Variants in ABCA5 observed in about 807,000 individuals in gnomAD.
ABCA5 encodes the protein ATP binding cassette subfamily A member 5, also known as cholesterol transporter ABCA5.
In ABCA5, 163 loss-of-function variants were observed where a neutral mutation model predicts 206.0. The ratio of observed to expected loss-of-function variants is 0.79; its 90% CI spans 0.70 to 0.90. ABCA5 has a LOEUF of 0.90. ABCA5 is among the 40% of genes least tolerant of loss of function. ABCA5 has a pLI of 0.00. For missense variants in ABCA5, 1,859 were observed against 1,912.9 expected (o/e 0.97, Z 0.53); for synonymous variants, 609 against 613.8 (o/e 0.99, Z 0.11).
At chr17:69,281,632 G>C (rs1210832664) in intron 18 of ABCA5, among the ~76,000 whole-genome samples, 3 of 152,148 alleles carry the variant, frequency 2.0e-5, no homozygotes, top group African/African-American at 7.2e-5. Context: ...CACTGCATTT[G>C]AAAGTGGGCA....
rs778765981 is a variant in ABCA5 at position 69,302,787 on chromosome 17, A to C, written c.1050T>G (p.Ser350Arg). 17 of 1,600,404 alleles carry C rather than the reference A, an allele frequency of 1.1e-5. No individual in the cohort carries two copies. The highest frequency in any genetic ancestry group is 1.4e-5 in the Non-Finnish European group (16 of 1,176,684). Residue 350 changes from serine (S) to arginine (R), a missense_variant, in exon 8 of 39, where the codon AGT (serine) becomes AGG (arginine). Transcript: ENST00000392676. The stretch of plus-strand genomic sequence containing the variant: ...AAAGCCACACTAACGATTTGGGAAA[A>C]CTTTCTATGAGGATTATCATAAGGC... Reference protein sequence around the residue: ...FIGLMIILIESFPKSLVWLFS... With the variant: ...FIGLMIILIERFPKSLVWLFS...
At chr17:69,282,861 C>T (rs1279696045) in intron 18 of ABCA5, among the ~76,000 whole-genome samples, 1 of 151,884 alleles carries the variant, frequency 6.6e-6, no homozygotes, top group East Asian at 1.9e-4. Context: ...AATCTCATTC[C>T]CAGTTATCAA....
At chr17:69,301,354 A>G in intron 8 of ABCA5, 68 bp from the exon 9 acceptor site, 6 of 1,390,098 alleles carry the variant, frequency 4.3e-6, no homozygotes, top group Non-Finnish European at 5.8e-6. Flanking sequence ...AACACTACTT[A>G]AGAGTTATTT....
At chr17:69,281,268 T>C (rs1484488139) in intron 18 of ABCA5, among the ~76,000 whole-genome samples, 1 of 151,410 alleles carries the variant, frequency 6.6e-6, no homozygotes, top group Non-Finnish European at 1.5e-5. Context: ...CCAATACATG[T>C]ATTTTTTAAT....
At chr17:69,290,133 C>T (rs2075509894) in intron 12 of ABCA5, 96 bp from the exon 13 acceptor site, 6 of 800,330 alleles carry the variant, frequency 7.5e-6, no homozygotes, top group Admixed American at 3.5e-5. Context: ...TTATAACAGA[C>T]ATATAAGGTA....
intron 13 of ABCA5, 43 bp downstream of exon 13, chr17:69,289,819 A>G (rs1032127709): frequency 2.1e-6 from 3 of 1,452,732 alleles, no homozygotes; most frequent in Non-Finnish European, 2.8e-6. Flanking sequence ...AAGGTTATTG[A>G]TTACAGGAAA....
intron 11 of ABCA5, among the ~76,000 whole-genome samples, chr17:69,294,158 T>G (rs1188452892): frequency 6.6e-6 from 1 of 152,210 alleles, no homozygotes; most frequent in African/African-American, 2.4e-5. Context: ...GATACTACAT[T>G]TTACTTTTAC....
At chr17:69,280,085 A>T (rs1179870811) in intron 18 of ABCA5, among the ~76,000 whole-genome samples, 2 of 152,174 alleles carry the variant, frequency 1.3e-5, no homozygotes, top group Non-Finnish European at 2.9e-5. Context: ...CTACCATCAG[A>T]GTGAACAGGC....
In ABCA5 at chr17:69,248,308, G is replaced by T. The variant is rs1480598235; in HGVS notation, c.4775C>A (p.Ala1592Asp). The T allele has an allele frequency of 2.6e-6, 4 of 1,558,396 alleles. No individual in the cohort carries two copies. The highest frequency in any genetic ancestry group is 3.5e-6 in the Non-Finnish European group (4 of 1,140,544). The change falls in exon 38 of 39, where the codon GCT becomes GAT. Residue 1592 changes from alanine (A) to aspartate (D), a missense_variant. Coordinates refer to ENST00000392676, the MANE Select transcript of ABCA5 (RefSeq NM_172232.4). ...SFFKLEEAKHAFAIEEYSFSQ... is the reference protein window; with the variant it reads ...SFFKLEEAKHDFAIEEYSFSQ... ...AAAGCTATATTCTTCAATGGCAAAA[G>T]CATGTTTAGCTATTAAAATATAAAA...
chr17:69,285,969 G>A lies in ABCA5; in HGVS notation c.2201C>T (p.Ala734Val), dbSNP rs1484507482. ...SSLVKQHIPGATLLQQNDQQL... is the reference protein window; with the variant it reads ...SSLVKQHIPGVTLLQQNDQQL... Reference sequence around the variant, plus strand: ...TTGGTCATTCTGTTGTAATAAAGTAGCTCCAGGTATATGTTGTTTAACCAG... The same window carrying A: ...TTGGTCATTCTGTTGTAATAAAGTAACTCCAGGTATATGTTGTTTAACCAG... The change falls in exon 17 of 39, where the codon GCT becomes GTT. Residue 734 changes from alanine to valine, a missense_variant. Coordinates refer to ENST00000392676, the MANE Select transcript of ABCA5 (RefSeq NM_172232.4). 22 of 1,613,140 alleles carry A rather than the reference G, an allele frequency of 1.4e-5. No homozygotes were observed. Among genetic ancestry groups the A allele is most frequent in the Non-Finnish European group, 1.9e-5 (22 of 1,179,426 alleles).
chr17:69,285,114 T>C (rs1407033645), intron 17 of ABCA5, among the ~76,000 whole-genome samples: 1 of 152,188 alleles, frequency 6.6e-6, no homozygotes, highest in Non-Finnish European at 1.5e-5. Flanking sequence ...GCAATAATAG[T>C]ATTTATCTCA....
At chr17:69,296,668 A>G (rs1422661805) in intron 10 of ABCA5, among the ~76,000 whole-genome samples, 4 of 152,214 alleles carry the variant, frequency 2.6e-5, no homozygotes, top group African/African-American at 9.6e-5. Flanking sequence ...TTCCATCCAA[A>G]CATAAAATTT....
At chr17:69,267,481 A>C (rs1435665303) in intron 23 of ABCA5, among the ~76,000 whole-genome samples, 1 of 152,196 alleles carries the variant, frequency 6.6e-6, no homozygotes, top group East Asian at 1.9e-4. Flanking sequence ...AATGATGACA[A>C]TCACTTTCAT....
At chr17:69,293,498 T>C (rs1435638573) in intron 11 of ABCA5, among the ~76,000 whole-genome samples, 1 of 152,188 alleles carries the variant, frequency 6.6e-6, no homozygotes, top group African/African-American at 2.4e-5. Flanking sequence ...CAAATACTGA[T>C]GTAGAAGTTG....
chr17:69,249,820 T>C, intron 37 of ABCA5, 85 bp downstream of exon 37: 1 of 1,434,872 alleles, frequency 7.0e-7, no homozygotes, highest in Non-Finnish European at 9.4e-7. Context: ...ACTACTTACC[T>C]TCTTCCAGCT....
Position 69,253,776 on chromosome 17 carries a change from G to A in ABCA5, c.4320+18C>T. ...ATCAATAAAAATACAGGCATTATTT[G>A]GTGTTTAATGAAAGTACCTTTCGTT... is the stretch of plus-strand genomic sequence containing the variant. On this transcript the variant is annotated intron_variant, in intron 33 of 38. Coordinates refer to ENST00000392676, the MANE Select transcript of ABCA5 (RefSeq NM_172232.4). 6.2e-7 allele frequency: 1 copy of A among 1,601,054 alleles called. No individual in the cohort carries two copies. Among genetic ancestry groups the A allele is most frequent in the African/African-American group, 1.3e-5 (1 of 74,554 alleles).
At chr17:69,289,339 C>G in intron 13 of ABCA5, 43 bp from the exon 14 acceptor site, 1 of 1,398,324 alleles carries the variant, frequency 7.2e-7, no homozygotes, top group Non-Finnish European at 9.5e-7. Flanking sequence ...AAAAATCATA[C>G]CATTTATATA....
chr17:69,256,456 C>CCT (rs1369190607), intron 28 of ABCA5, among the ~76,000 whole-genome samples, 173 bp from the exon 29 acceptor site: 173 of 137,848 alleles, frequency 1.3e-3, no homozygotes, highest in African/African-American at 4.3e-3. Context: ...TTCTTTCTTT[C>CCT]TTTTTTTTTT....
chr17:69,261,683 A>G lies in ABCA5; in HGVS notation c.3381T>C (p.Phe1127=), dbSNP rs1342013776. 2.4e-5 allele frequency: 37 copies of G among 1,520,512 alleles called. No individual in the cohort carries two copies. The highest frequency in any genetic ancestry group is 3.2e-5 in the Non-Finnish European group (36 of 1,130,144). 94.2% of individuals were successfully genotyped at this position (1,520,512 alleles called of 1,614,324 possible). ...ATTCTTTGGTATTTAAAATTTTCTT[A>G]AAGGTGAAAGAAGCAATATAAGTGA... The part of the protein sequence containing the change: ...ILFTYIASFT[F]KKILNTKEFW... Residue 1127 remains phenylalanine (F), a synonymous_variant, in exon 25 of 39, where the codon TTT becomes TTC. Coordinates refer to ENST00000392676, the MANE Select transcript of ABCA5 (RefSeq NM_172232.4).
Sources: gnomAD v4.1 joint callset for allele counts (sites outside exome capture counted in the v4.1 genomes callset) on GRCh38, gnomAD v4.1.1 for gene constraint, MANE v1.5 for transcripts, NCBI Gene and HGNC (gene_info 2026-07-23, HGNC 2026-07-21) for gene names.